LDLRAD3: variants seen among roughly 807,000 people sequenced by gnomAD.
LDLRAD3 encodes low density lipoprotein receptor class A domain containing 3.
In LDLRAD3, 20 loss-of-function variants were observed where a neutral mutation model predicts 29.4. The ratio of observed to expected loss-of-function variants is 0.68; its 90% CI spans 0.48 to 0.99. The LOEUF (loss-of-function observed/expected upper bound fraction) is 0.99, where lower values mean the gene tolerates loss of function less well. Ranked by LOEUF, LDLRAD3 falls within the 50% of genes least tolerant of loss-of-function variation. LDLRAD3 has a pLI of 0.00. For synonymous variants in LDLRAD3, 157 were observed against 192.7 expected (o/e 0.81, Z 1.53); for missense variants, 420 against 454.3 (o/e 0.92, Z 0.69).
intron 4 of LDLRAD3, among the ~76,000 whole-genome samples, chr11:36,189,585 T>A (rs1049090918): frequency 6.0e-5 from 9 of 150,692 alleles, no homozygotes; most frequent in South Asian, 2.1e-4. Context: ...ACTTTTTTTT[T>A]ATTATTATTA....
intron 1 of LDLRAD3, among the ~76,000 whole-genome samples, chr11:35,992,368 G>T (rs1851701834): frequency 6.6e-6 from 1 of 152,164 alleles, no homozygotes; most frequent in South Asian, 2.1e-4. Context: ...GAAACACATT[G>T]GTATGTCCAC....
intron 1 of LDLRAD3, among the ~76,000 whole-genome samples, chr11:35,969,019 G>A (rs1351497987): frequency 1.3e-5 from 2 of 152,172 alleles, no homozygotes; most frequent in Admixed American, 1.3e-4. Context: ...CCCCGGCTCA[G>A]AGTCACGATT....
chr11:35,990,051 A>G (rs578137420), intron 1 of LDLRAD3, among the ~76,000 whole-genome samples: 1 of 152,244 alleles, frequency 6.6e-6, no homozygotes, highest in South Asian at 2.1e-4. Context: ...TAGGGGCCTG[A>G]TTCCTCCATT....
intron 2 of LDLRAD3, among the ~76,000 whole-genome samples, chr11:36,070,871 G>C (rs959920147): frequency 1.8e-4 from 27 of 152,100 alleles, no homozygotes; most frequent in South Asian, 2.1e-4. Context: ...GCCTGCCCTT[G>C]CCCTTTGTCA....
At chr11:36,030,098 C>T (rs1852217165) in intron 1 of LDLRAD3, among the ~76,000 whole-genome samples, 1 of 152,208 alleles carries the variant, frequency 6.6e-6, no homozygotes, top group African/African-American at 2.4e-5. Context: ...AATGAGCTCA[C>T]AGGGCAGGGT....
chr11:36,113,462 T>C (rs1565231950), intron 4 of LDLRAD3, among the ~76,000 whole-genome samples: 1 of 150,528 alleles, frequency 6.6e-6, no homozygotes, highest in Admixed American at 6.6e-5. Context: ...AAAAAGGAAA[T>C]AAGAAGGGGA....
rs187329045 is a variant in LDLRAD3 at position 36,213,469 on chromosome 11, C to T, written c.455-13616C>T. Among the ~76,000 whole-genome samples the T allele has an allele frequency of 4.9e-4, 75 of 152,346 alleles. 2 individuals are homozygous for T. In the South Asian group the frequency reaches 5.4e-3, roughly 11 times the overall value. ...TGCTTGGAATAGGGATCCGCAAAGG[C>T]GCTCCAGCCCCATGGGATGCTTTTT... On this transcript the variant is annotated intron_variant, in intron 4 of 5. Transcript: ENST00000315571. This position sits in a 1 kb window ranked among gnomAD's most constrained non-coding sequence, Gnocchi z 4.1.
At chr11:36,005,720 G>A (rs1590201080) in intron 1 of LDLRAD3, among the ~76,000 whole-genome samples, 1 of 152,036 alleles carries the variant, frequency 6.6e-6, no homozygotes, top group Non-Finnish European at 1.5e-5. Flanking sequence ...CCTTAGACTG[G>A]GTAATTTCTG....
intron 1 of LDLRAD3, among the ~76,000 whole-genome samples, chr11:35,976,887 CATGT>C (rs1475612163): frequency 2.6e-5 from 4 of 152,234 alleles, no homozygotes; most frequent in African/African-American, 4.8e-5. Flanking sequence ...TCCATGCATG[CATGT>C]GTCTGTGTTT....
intron 1 of LDLRAD3, among the ~76,000 whole-genome samples, chr11:36,026,649 G>A (rs546584944): frequency 3.3e-5 from 5 of 152,342 alleles, no homozygotes; most frequent in South Asian, 4.1e-4. Context: ...CACCAAAAGC[G>A]AGATGGCGAG....
chr11:36,044,258 A>G (rs1473108027), intron 2 of LDLRAD3, among the ~76,000 whole-genome samples: 3 of 152,170 alleles, frequency 2.0e-5, no homozygotes, highest in African/African-American at 4.8e-5. Flanking sequence ...TTAAACATCT[A>G]GTAAGTGCTG....
At chr11:36,124,959 A>G (rs1590287477) in intron 4 of LDLRAD3, among the ~76,000 whole-genome samples, 1 of 151,742 alleles carries the variant, frequency 6.6e-6, no homozygotes, top group Admixed American at 6.6e-5. Context: ...CCTCATTTCC[A>G]TTTCTTAGAC....
intron 2 of LDLRAD3, among the ~76,000 whole-genome samples, chr11:36,040,779 C>T (rs1852370992): frequency 6.6e-6 from 1 of 152,150 alleles, no homozygotes; most frequent in Admixed American, 6.5e-5. Flanking sequence ...AAGGTTTGCA[C>T]CAGTTTGTTG....
intron 2 of LDLRAD3, among the ~76,000 whole-genome samples, chr11:36,047,657 C>A (rs1011417826): frequency 3.9e-5 from 6 of 152,182 alleles, no homozygotes; most frequent in African/African-American, 1.4e-4. Flanking sequence ...AGACAGGGTG[C>A]AAAGTGAGAA....
At chr11:36,004,363 G>A (rs755809309) in intron 1 of LDLRAD3, among the ~76,000 whole-genome samples, 1 of 152,182 alleles carries the variant, frequency 6.6e-6, no homozygotes, top group African/African-American at 2.4e-5. Flanking sequence ...CTGAAACCCA[G>A]CAGGGCAGTC....
At chr11:36,134,676 A>G (rs1853978248) in intron 4 of LDLRAD3, among the ~76,000 whole-genome samples, 1 of 152,210 alleles carries the variant, frequency 6.6e-6, no homozygotes, top group Non-Finnish European at 1.5e-5. Context: ...CTGCAGCCAC[A>G]TTGGGCATCT....
At chr11:36,145,731 T>C (rs375918471) in intron 4 of LDLRAD3, among the ~76,000 whole-genome samples, 2 of 151,162 alleles carry the variant, frequency 1.3e-5, no homozygotes, top group African/African-American at 2.4e-5. Flanking sequence ...CTCTGAAACA[T>C]GTGCTGTGTC....
chr11:36,117,229 G>T lies in LDLRAD3; in HGVS notation c.454+18768G>T, dbSNP rs146297489. Among the ~76,000 whole-genome samples the T allele has an allele frequency of 1.1e-4, 16 of 152,298 alleles. No homozygotes were observed. The East Asian group carries it at 3.1e-3, about 29-fold the overall frequency. On this transcript the variant is annotated intron_variant, in intron 4 of 5. Transcript: ENST00000315571. ...AGGAAAAGGAGGAAGGAGCCTCTGA[G>T]ATCAGTGATCCATTCTAGACAATCA...
At chr11:36,147,761 T>C (rs1009810348) in intron 4 of LDLRAD3, among the ~76,000 whole-genome samples, 2 of 152,230 alleles carry the variant, frequency 1.3e-5, no homozygotes, top group Non-Finnish European at 2.9e-5. Context: ...TGCAAAGCAA[T>C]ACCTGACTTT....
Sources: allele counts gnomAD v4.1 joint callset (sites outside exome capture counted in the v4.1 genomes callset), GRCh38; gene constraint gnomAD v4.1.1; non-coding constraint Gnocchi (gnomAD v3.1); transcripts MANE v1.5; gene names NCBI Gene and HGNC (gene_info 2026-07-23, HGNC 2026-07-21).